Variants in TMEM132D observed in about 807,000 individuals in gnomAD.
The protein encoded by TMEM132D is mature OL transmembrane protein.
A neutral mutation model predicts 62.3 loss-of-function variants in TMEM132D; 21 were observed. That is an observed-to-expected ratio of 0.34 (90% CI 0.24 to 0.49). TMEM132D has a LOEUF of 0.49. TMEM132D is among the 20% of genes least tolerant of loss of function. The probability of loss-of-function intolerance (pLI) is 0.99; values close to 1 mark genes in which losing one functional copy is unlikely to be tolerated. For missense variants in TMEM132D, 1,346 were observed against 1,402.8 expected (o/e 0.96, Z 0.65); for synonymous variants, 621 against 575.6 (o/e 1.08, Z -1.13).
chr12:129,807,354 C>G (rs1872025911), intron 1 of TMEM132D, among the ~76,000 whole-genome samples: 1 of 152,134 alleles, frequency 6.6e-6, no homozygotes, highest in African/African-American at 2.4e-5. Flanking sequence ...GTGACACTGG[C>G]CATCAATGTC....
chr12:129,187,299 A>T (rs748633821), intron 5 of TMEM132D, among the ~76,000 whole-genome samples: 2 of 152,230 alleles, frequency 1.3e-5, no homozygotes, highest in East Asian at 3.8e-4. Flanking sequence ...GTTAGGCCAC[A>T]CACAAAATTG....
At chr12:129,899,125 A>G (rs1462126699) in intron 1 of TMEM132D, among the ~76,000 whole-genome samples, 1 of 133,038 alleles carries the variant, frequency 7.5e-6, no homozygotes, top group African/African-American at 3.4e-5. Flanking sequence ...AGATGGATGG[A>G]ATGATGAATG....
intron 2 of TMEM132D, among the ~76,000 whole-genome samples, chr12:129,618,598 A>T (rs1192210702): frequency 6.6e-6 from 1 of 152,234 alleles, no homozygotes; most frequent in Non-Finnish European, 1.5e-5. Context: ...GAGGAATCAA[A>T]TAGTGAGAAT....
Position 129,407,742 on chromosome 12 carries a change from TA to T in TMEM132D, c.1116-69926del, listed in dbSNP as rs537114904. Reference sequence around the variant, plus strand: ...TAACACGGTGAAACCCTGTCTCTACTAAAAAAAAAATTAGCCGGGTGTGGTG... The same window carrying T: ...TAACACGGTGAAACCCTGTCTCTACTAAAAAAAAATTAGCCGGGTGTGGTG... On this transcript the variant is annotated intron_variant, in intron 3 of 8. Coordinates refer to ENST00000422113, the MANE Select transcript of TMEM132D (RefSeq NM_133448.3). Among the ~76,000 whole-genome samples, 672 of 147,682 alleles carry T rather than the reference TA, an allele frequency of 4.6e-3. 3 individuals carry two copies. Among genetic ancestry groups the T allele is most frequent in the African/African-American group, 0.013 (540 of 40,354 alleles).
At chr12:129,782,317 G>T (rs760407485) in intron 1 of TMEM132D, among the ~76,000 whole-genome samples, 7 of 152,156 alleles carry the variant, frequency 4.6e-5, no homozygotes, top group Non-Finnish European at 1.0e-4. Context: ...ATGTTCAACT[G>T]TGTTTCAGAC....
At chr12:129,209,471 A>T in intron 5 of TMEM132D, 49 bp downstream of exon 5, 1 of 1,607,022 alleles carries the variant, frequency 6.2e-7, no homozygotes. Context: ...GGAGCACAGA[A>T]GCTGACATGA....
At chr12:129,630,675 T>C (rs768304518) in intron 2 of TMEM132D, among the ~76,000 whole-genome samples, 2 of 152,196 alleles carry the variant, frequency 1.3e-5, no homozygotes, top group Non-Finnish European at 2.9e-5. Context: ...CTAAGCAAAA[T>C]AGTAAGTCCA....
chr12:129,301,324 TAC>T (rs1313645511), intron 4 of TMEM132D, among the ~76,000 whole-genome samples: 1 of 152,166 alleles, frequency 6.6e-6, no homozygotes, highest in African/African-American at 2.4e-5. Context: ...GGAGTTTGTA[TAC>T]AGCACACACC....
At chr12:129,606,695 A>ATCTC (rs200126937) in intron 2 of TMEM132D, among the ~76,000 whole-genome samples, 1,945 of 152,294 alleles carry the variant, frequency 0.013, 17 homozygotes, top group Middle Eastern at 0.034. Context: ...AAAAGACACT[A>ATCTC]AGTTACTTGT....
intron 1 of TMEM132D, among the ~76,000 whole-genome samples, chr12:129,711,728 CA>C (rs1333520514): frequency 0.1 from 4,647 of 45,338 alleles, 142 homozygotes; most frequent in East Asian, 0.19. Flanking sequence ...ATTCCATCTC[CA>C]AAAAAAAAAA....
At chr12:129,769,604 A>G (rs1036395315) in intron 1 of TMEM132D, among the ~76,000 whole-genome samples, 1 of 152,146 alleles carries the variant, frequency 6.6e-6, no homozygotes, top group Non-Finnish European at 1.5e-5. Flanking sequence ...CCTCCAAAGC[A>G]GCCTTGTTGA....
intron 4 of TMEM132D, among the ~76,000 whole-genome samples, chr12:129,270,290 C>A (rs575849455): frequency 6.6e-6 from 1 of 152,302 alleles, no homozygotes; most frequent in East Asian, 1.9e-4. Flanking sequence ...ATAAGCTCAG[C>A]TCTCACAAAT....
At chr12:129,863,915 T>G (rs1369032936) in intron 1 of TMEM132D, among the ~76,000 whole-genome samples, 3 of 152,206 alleles carry the variant, frequency 2.0e-5, no homozygotes, top group African/African-American at 7.2e-5. Context: ...AATGATAAGT[T>G]TAGGGATATG....
chr12:129,729,566 T>C (rs1210576333), intron 1 of TMEM132D, among the ~76,000 whole-genome samples: 2 of 152,170 alleles, frequency 1.3e-5, no homozygotes, highest in Non-Finnish European at 2.9e-5. Flanking sequence ...GCATTTTTTT[T>C]CCAGCTCTGA....
At chr12:129,731,396 G>A (rs1206713495) in intron 1 of TMEM132D, among the ~76,000 whole-genome samples, 2 of 151,962 alleles carry the variant, frequency 1.3e-5, no homozygotes, top group African/African-American at 4.8e-5. Context: ...AGATAAGAGG[G>A]TATGGGGGAC....
At chr12:129,877,683 C>T (rs555434664) in intron 1 of TMEM132D, among the ~76,000 whole-genome samples, 54 of 152,200 alleles carry the variant, frequency 3.5e-4, no homozygotes, top group African/African-American at 1.3e-3. Flanking sequence ...ATCTTGCAGC[C>T]TCTCTAGAGA....
intron 5 of TMEM132D, among the ~76,000 whole-genome samples, chr12:129,160,457 C>T (rs558822187): frequency 6.6e-6 from 1 of 152,342 alleles, no homozygotes; most frequent in African/African-American, 2.4e-5. Flanking sequence ...AACAACATCT[C>T]TTTCCATCTT....
At chr12:129,416,186 G>A (rs1236132345) in intron 3 of TMEM132D, among the ~76,000 whole-genome samples, 1 of 152,208 alleles carries the variant, frequency 6.6e-6, no homozygotes, top group Non-Finnish European at 1.5e-5. Context: ...TCCTATCCAT[G>A]AGCATGGAAT....
chr12:129,422,669 A>G (rs533435659), intron 3 of TMEM132D, among the ~76,000 whole-genome samples: 1 of 152,320 alleles, frequency 6.6e-6, no homozygotes, highest in South Asian at 2.1e-4. Flanking sequence ...TCTTTGAGCC[A>G]TAAATCTCAC....
Sources: allele counts gnomAD v4.1 joint callset (sites outside exome capture counted in the v4.1 genomes callset), GRCh38; gene constraint gnomAD v4.1.1; transcripts MANE v1.5; gene names NCBI Gene and HGNC (gene_info 2026-07-23, HGNC 2026-07-21).